ECT2L: variants seen among roughly 807,000 people sequenced by gnomAD.
The protein encoded by ECT2L is epithelial cell-transforming sequence 2 oncogene-like.
In ECT2L, 126 loss-of-function variants were observed where a neutral mutation model predicts 122.8. The ratio of observed to expected loss-of-function variants is 1.03; its 90% CI spans 0.89 to 1.19. ECT2L has a LOEUF of 1.19. Ranked by LOEUF, ECT2L falls within the 50% of genes most tolerant of loss-of-function variation. The pLI, the probability that ECT2L is intolerant of heterozygous loss-of-function variation, is 0.00. For missense variants in ECT2L, 1,012 were observed against 1,064.1 expected (o/e 0.95, Z 0.68); for synonymous variants, 385 against 381.8 (o/e 1.01, Z -0.10).
intron 3 of ECT2L, among the ~76,000 whole-genome samples, 170 bp downstream of exon 3, chr6:138,813,510 C>G (rs1211710090): frequency 6.6e-6 from 1 of 152,210 alleles, no homozygotes; most frequent in Non-Finnish European, 1.5e-5. Flanking sequence ...TCTCTTCTCA[C>G]CCCAGTTCTC....
chr6:138,798,156 G>C (rs1189445147), intron 1 of ECT2L, among the ~76,000 whole-genome samples: 1 of 152,182 alleles, frequency 6.6e-6, no homozygotes, highest in Non-Finnish European at 1.5e-5. Context: ...CTATCCCAAA[G>C]ATCCCTGAAT....
chr6:138,813,553 T>C (rs922098575), intron 3 of ECT2L, among the ~76,000 whole-genome samples: 27 of 152,158 alleles, frequency 1.8e-4, no homozygotes, highest in African/African-American at 6.0e-4. Flanking sequence ...CCAGATGGCC[T>C]CCCCTTCCAC....
chr6:138,863,615 CTT>C (rs113243740), intron 11 of ECT2L, among the ~76,000 whole-genome samples: 9 of 143,886 alleles, frequency 6.3e-5, no homozygotes, highest in East Asian at 6.1e-4. Context: ...GGTTTTCTTT[CTT>C]TTTTTTTTTT....
chr6:138,840,088 CAAGAG>C (rs1172136156), intron 5 of ECT2L, among the ~76,000 whole-genome samples: 2 of 152,058 alleles, frequency 1.3e-5, no homozygotes, highest in African/African-American at 4.8e-5. Context: ...ATATGGCAAG[CAAGAG>C]AAAAGAGATT....
In ECT2L at chr6:138,882,735, A is replaced by C. The variant is rs1778683528; in HGVS notation, c.1892A>C (p.Asp631Ala). Residue 631 changes from aspartate (D) to alanine (A), a missense_variant, in exon 16 of 22, where the codon GAT becomes GCT. By Grantham distance (126) the Asp-to-Ala change is moderately radical. Coordinates refer to ENST00000541398, the MANE Select transcript of ECT2L (RefSeq NM_001077706.3). ...QILSLNRQFL[D>A]NLRDRLQEWG... ...TTCTCATACCACAGGCAGTTTCTAG[A>C]TAACCTGAGAGACAGACTGCAGGAA... 5 of 1,613,942 alleles carry C rather than the reference A, an allele frequency of 3.1e-6. No individual in the cohort carries two copies. The highest frequency in any genetic ancestry group is 4.2e-6 in the Non-Finnish European group (5 of 1,179,968).
At chr6:138,800,581 A>C (rs1341394007) in intron 1 of ECT2L, among the ~76,000 whole-genome samples, 3 of 152,212 alleles carry the variant, frequency 2.0e-5, no homozygotes, top group African/African-American at 7.2e-5. Flanking sequence ...CATTTAATTC[A>C]ATTCTAAGCT....
At chr6:138,896,300 G>A (rs75254700) in intron 20 of ECT2L, among the ~76,000 whole-genome samples, 3,253 of 152,064 alleles carry the variant, frequency 0.021, 124 homozygotes, top group African/African-American at 0.074. Context: ...ATTCACCAGT[G>A]CAGGACTGGT....
chr6:138,873,221 A>G (rs552285867), intron 13 of ECT2L, among the ~76,000 whole-genome samples: 1 of 137,162 alleles, frequency 7.3e-6, no homozygotes, highest in Admixed American at 7.8e-5. Context: ...AATGCCTGGA[A>G]ATTTGATTAA....
intron 20 of ECT2L, among the ~76,000 whole-genome samples, chr6:138,892,515 A>C (rs970976166): frequency 3.9e-5 from 6 of 152,136 alleles, no homozygotes; most frequent in Admixed American, 6.5e-5. Flanking sequence ...TTTTTGAAAC[A>C]GAGTGTGTCA....
At chr6:138,889,138 T>G in intron 20 of ECT2L, 107 bp downstream of exon 20, 1 of 456,876 alleles carries the variant, frequency 2.2e-6, no homozygotes. Context: ...CACAGTAGGT[T>G]TGAAATGAAT....
chr6:138,876,310 A>G (rs1005956320), intron 13 of ECT2L, among the ~76,000 whole-genome samples, 162 bp from the exon 14 acceptor site: 2 of 152,176 alleles, frequency 1.3e-5, no homozygotes, highest in Non-Finnish European at 2.9e-5. Flanking sequence ...ATTGAATGTA[A>G]GAGTGGCATC....
At chr6:138,850,857 T>C (rs1777413545) in intron 9 of ECT2L, among the ~76,000 whole-genome samples, 1 of 151,574 alleles carries the variant, frequency 6.6e-6, no homozygotes, top group African/African-American at 2.4e-5. Flanking sequence ...CAAAATTAGC[T>C]GGGTGTGGTA....
intron 12 of ECT2L, among the ~76,000 whole-genome samples, chr6:138,867,154 T>C (rs1393517495): frequency 1.3e-5 from 2 of 152,204 alleles, no homozygotes; most frequent in African/African-American, 4.8e-5. Context: ...GAGGAACTCC[T>C]GGTAGGATCG....
chr6:138,892,818 A>G (rs1779077277), intron 20 of ECT2L, among the ~76,000 whole-genome samples: 1 of 152,154 alleles, frequency 6.6e-6, no homozygotes, highest in East Asian at 1.9e-4. Context: ...TTTTTGTTGA[A>G]TAGCAGACAC....
At chr6:138,845,840 G>T (rs1334188247) in intron 7 of ECT2L, among the ~76,000 whole-genome samples, 1 of 152,086 alleles carries the variant, frequency 6.6e-6, no homozygotes, top group East Asian at 1.9e-4. Flanking sequence ...GGAGGCCAAG[G>T]TGGGAGGATC....
At position 138,835,260 on chromosome 6, in the gene ECT2L, T is replaced by C. The variant is rs533569147; in HGVS notation, c.180-3092T>C. 2.0e-4 allele frequency among the ~76,000 whole-genome samples: 31 copies of C among 152,278 alleles called. No homozygotes were observed. In the South Asian group the frequency reaches 6.4e-3, roughly 32 times the overall value. On this transcript the variant is annotated intron_variant, in intron 4 of 21. Coordinates refer to ENST00000541398, the MANE Select transcript of ECT2L (RefSeq NM_001077706.3). The stretch of plus-strand genomic sequence containing the variant: ...CTTCCTCATTTAGTTAACATTTTAA[T>C]AGTTATGGCCAGGCGCAGTGGCTCA...
At chr6:138,894,183 A>G (rs112163690) in intron 20 of ECT2L, among the ~76,000 whole-genome samples, 13,398 of 152,074 alleles carry the variant, frequency 0.088, 1,231 homozygotes, top group African/African-American at 0.23. Context: ...CAGCCTCCCA[A>G]GTAGCTGGGA....
intron 20 of ECT2L, among the ~76,000 whole-genome samples, chr6:138,898,697 T>C (rs575738020): frequency 2.2e-4 from 33 of 152,282 alleles, no homozygotes; most frequent in African/African-American, 7.7e-4. Context: ...ATTAAAGCCA[T>C]TACCATATAA....
chr6:138,902,659 T>C lies in ECT2L; in HGVS notation c.*32T>C, dbSNP rs1213069244. The C allele has an allele frequency of 5.6e-6, 9 of 1,611,414 alleles. 1 individual carries two copies. The South Asian group carries it at 9.9e-5, about 18-fold the overall frequency. ...ACTTGAAAACTTCAGGGGTGCCAAT[T>C]CTCCCCAGCAAAGACAGACAACATG... On this transcript the variant is annotated 3_prime_UTR_variant, in exon 22 of 22. Transcript: ENST00000541398.
Sources: gnomAD v4.1 joint callset for allele counts (sites outside exome capture counted in the v4.1 genomes callset) on GRCh38, gnomAD v4.1.1 for gene constraint, MANE v1.5 for transcripts, NCBI Gene and HGNC (gene_info 2026-07-23, HGNC 2026-07-21) for gene names.